TENM2: variants seen among roughly 807,000 people sequenced by gnomAD.
TENM2 encodes teneurin-2.
TENM2 carries 52 observed loss-of-function variants against 245.2 expected under a neutral mutation model. The observed-to-expected ratio is 0.21, with a 90% CI of 0.17 to 0.27. The LOEUF is 0.27. Ranked by LOEUF, TENM2 falls within the 10% of genes least tolerant of loss-of-function variation. The probability of loss-of-function intolerance (pLI) is 1.00; values close to 1 mark genes in which losing one functional copy is unlikely to be tolerated. For missense variants in TENM2, 3,046 were observed against 3,666.8 expected (o/e 0.83, Z 4.37); for synonymous variants, 1,363 against 1,438.9 (o/e 0.95, Z 1.19).
At chr5:167,379,710 A>G (rs1760979599) in intron 2 of TENM2, among the ~76,000 whole-genome samples, 2 of 152,104 alleles carry the variant, frequency 1.3e-5, no homozygotes, top group Admixed American at 1.3e-4. Context: ...AGAGCTCCAG[A>G]CCTAGCCAAA....
At chr5:167,411,150 T>C (rs1183157006) in intron 2 of TENM2, among the ~76,000 whole-genome samples, 2 of 152,114 alleles carry the variant, frequency 1.3e-5, no homozygotes, top group Non-Finnish European at 1.5e-5. Flanking sequence ...TGGGAACTGC[T>C]GGGTACATTA....
the TENM2 span, among the ~76,000 whole-genome samples, chr5:167,215,275 A>G: frequency 5.8e-4 from 89 of 152,298 alleles, no homozygotes; most frequent in African/African-American, 2.1e-3. Context: ...CCCACCAGAG[A>G]TTTAGAATTA....
intron 13 of TENM2, among the ~76,000 whole-genome samples, chr5:168,167,883 G>T (rs144864549): frequency 3.9e-4 from 59 of 152,308 alleles, no homozygotes; most frequent in African/African-American, 1.3e-3. Context: ...AAATGCATGT[G>T]ATGTATTTTA....
chr5:167,651,788 G>C (rs563903019), intron 2 of TENM2, among the ~76,000 whole-genome samples: 13 of 152,190 alleles, frequency 8.5e-5, no homozygotes, highest in African/African-American at 2.9e-4. Context: ...GGTCAAAGAG[G>C]TTCTTTCTGT....
the TENM2 span, among the ~76,000 whole-genome samples, chr5:167,181,466 T>TTGTGTGTGTGTGTG: frequency 3.3e-4 from 41 of 122,582 alleles, no homozygotes; most frequent in Non-Finnish European, 3.1e-4. Context: ...AGCCGCTCGT[T>TTGTGTGTGTGTGTG]TGTGTGTGTG....
chr5:167,614,684 A>G (rs1334837757), intron 2 of TENM2, among the ~76,000 whole-genome samples: 1 of 152,146 alleles, frequency 6.6e-6, no homozygotes, highest in Non-Finnish European at 1.5e-5. Context: ...TGCATGAGGA[A>G]GAGAGAAGCA....
rs542570383 is a variant in TENM2 at position 168,182,114 on chromosome 5, A to G, written c.2570-8223A>G. ...TTCCAAACGAGCATCCTGTCAGCCAATCTATTGCTTTAAAAGGTTCGCAAT... is the reference window on the plus strand; with the variant it reads ...TTCCAAACGAGCATCCTGTCAGCCAGTCTATTGCTTTAAAAGGTTCGCAAT... On this transcript the variant is annotated intron_variant, in intron 13 of 28. Transcript: ENST00000518659. Among the ~76,000 whole-genome samples the G allele has an allele frequency of 6.6e-5, 10 of 152,310 alleles. No homozygotes were observed. The East Asian group carries it at 1.9e-3, about 29-fold the overall frequency.
intron 1 of TENM2, among the ~76,000 whole-genome samples, chr5:167,322,006 A>G (rs1251222785): frequency 6.6e-6 from 1 of 150,948 alleles, no homozygotes; most frequent in African/African-American, 2.4e-5. Context: ...TTTTTTTTGT[A>G]TTTTTAGTAG....
At chr5:167,058,528 G>A in the TENM2 span, among the ~76,000 whole-genome samples, 1 of 152,156 alleles carries the variant, frequency 6.6e-6, no homozygotes, top group Non-Finnish European at 1.5e-5. Flanking sequence ...GGATGGTAAG[G>A]CAGGAGAATC....
chr5:167,599,532 A>T lies in TENM2; in HGVS notation c.502+224059A>T, dbSNP rs536896325. On this transcript the variant is annotated intron_variant, in intron 2 of 28. Transcript: ENST00000518659. ...TTCCATTGGGAAAATACTGCCAGCA[A>T]AAATAGTTTGGCGGTCCCCGTGGCA... Among the ~76,000 whole-genome samples the T allele has an allele frequency of 6.6e-5, 10 of 152,290 alleles. No homozygotes were observed. In the East Asian group the frequency reaches 1.5e-3, roughly 24 times the overall value.
chr5:167,969,375 C>T (rs1215587726), intron 4 of TENM2, among the ~76,000 whole-genome samples: 9 of 152,174 alleles, frequency 5.9e-5, no homozygotes, highest in South Asian at 4.1e-4. Context: ...CCATGTGAGA[C>T]GTGACTTGCT....
chr5:167,078,488 AACAACAACAACAACAAC>A, the TENM2 span, among the ~76,000 whole-genome samples: 4 of 146,210 alleles, frequency 2.7e-5, no homozygotes, highest in African/African-American at 4.9e-5. Flanking sequence ...TGTCTCAAAC[AACAACAACAACAACAAC>A]AACAACAACA....
intron 2 of TENM2, among the ~76,000 whole-genome samples, chr5:167,381,845 G>T (rs965111005): frequency 6.6e-6 from 1 of 152,226 alleles, no homozygotes; most frequent in East Asian, 1.9e-4. Flanking sequence ...TGGTAAGTTT[G>T]CTCCATCTGC....
chr5:167,829,356 C>A (rs556472639), intron 2 of TENM2, among the ~76,000 whole-genome samples: 1 of 152,308 alleles, frequency 6.6e-6, no homozygotes, highest in South Asian at 2.1e-4. Context: ...ACCCCTAGCA[C>A]CACAATCCTT....
At chr5:167,730,265 C>T (rs116328794) in intron 2 of TENM2, among the ~76,000 whole-genome samples, 63 of 152,240 alleles carry the variant, frequency 4.1e-4, no homozygotes, top group Non-Finnish European at 6.8e-4. Context: ...ATGCAATTTA[C>T]AGAATTGAGG....
intron 3 of TENM2, among the ~76,000 whole-genome samples, chr5:167,929,074 AAAG>A (rs1197240821): frequency 1.9e-4 from 12 of 64,236 alleles, no homozygotes; most frequent in African/African-American, 9.5e-4. Flanking sequence ...AGAAAGAAAG[AAAG>A]AAAGAAAGAA....
At chr5:167,196,389 C>T in the TENM2 span, among the ~76,000 whole-genome samples, 1 of 151,584 alleles carries the variant, frequency 6.6e-6, no homozygotes, top group Non-Finnish European at 1.5e-5. Context: ...CCTCCATTCA[C>T]TCCCATCCTT....
intron 2 of TENM2, among the ~76,000 whole-genome samples, chr5:167,679,567 T>G (rs1355715119): frequency 6.6e-6 from 1 of 152,196 alleles, no homozygotes; most frequent in African/African-American, 2.4e-5. Context: ...ATTCCACTCT[T>G]ACCAGTTTTC....
At chr5:167,974,000 A>G (rs994594663) in intron 4 of TENM2, among the ~76,000 whole-genome samples, 10 of 100,550 alleles carry the variant, frequency 9.9e-5, no homozygotes, top group Non-Finnish European at 1.7e-4. Context: ...AGGAAGGGAG[A>G]AAGGGAGGGA....
Sources: gnomAD v4.1 joint callset for allele counts (sites outside exome capture counted in the v4.1 genomes callset) on GRCh38, gnomAD v4.1.1 for gene constraint, MANE v1.5 for transcripts, NCBI Gene and HGNC (gene_info 2026-07-23, HGNC 2026-07-21) for gene names.